The following ATP8A2 variants were observed in gnomAD, a reference collection of about 807,000 sequenced individuals.
ATP8A2 encodes ATPase phospholipid transporting 8A2, also known as phospholipid-transporting ATPase IB.
In ATP8A2, 100 loss-of-function variants were observed where a neutral mutation model predicts 165.6. The ratio of observed to expected loss-of-function variants is 0.60; its 90% CI spans 0.51 to 0.71. The LOEUF is 0.71. ATP8A2 is among the 30% of genes least tolerant of loss of function. The pLI is 0.00. For missense variants in ATP8A2, 1,227 were observed against 1,479.5 expected, an observed-to-expected ratio of 0.83 and a Z score of 2.80; for synonymous variants, 543 against 548.8, an observed-to-expected ratio of 0.99 and a Z score of 0.15.
At chr13:25,491,601 T>C (rs1279975938) in intron 2 of ATP8A2, among the ~76,000 whole-genome samples, 1 of 152,228 alleles carries the variant, frequency 6.6e-6, no homozygotes, top group African/African-American at 2.4e-5. Flanking sequence ...GAACTTGAGT[T>C]ACTTCGATTC....
At chr13:25,571,497 T>C (rs1215511304) in intron 17 of ATP8A2, 113 bp from the exon 18 acceptor site, 2 of 729,188 alleles carry the variant, frequency 2.7e-6, no homozygotes, top group Non-Finnish European at 4.7e-6. Context: ...ATTATGCAGA[T>C]AACACCAGGC....
chr13:25,680,065 T>C (rs1307321162), intron 24 of ATP8A2, among the ~76,000 whole-genome samples: 2 of 152,186 alleles, frequency 1.3e-5, no homozygotes, highest in Admixed American at 1.3e-4. Flanking sequence ...AGAAATTTCA[T>C]GCTCTACGTT....
chr13:25,880,043 GC>G (rs2138847891), intron 33 of ATP8A2, among the ~76,000 whole-genome samples: 2 of 152,310 alleles, frequency 1.3e-5, no homozygotes, highest in South Asian at 4.1e-4. Context: ...AGAAGAGGTG[GC>G]CTCCTAGACA....
intron 16 of ATP8A2, 34 bp from the exon 17 acceptor site, chr13:25,570,733 T>C (rs756938326): frequency 6.4e-7 from 1 of 1,551,498 alleles, no homozygotes; most frequent in Non-Finnish European, 8.9e-7. Context: ...TTGAAGGTGT[T>C]GTATCTGACA....
chr13:25,684,693 G>A (rs975907641), intron 24 of ATP8A2, among the ~76,000 whole-genome samples: 2 of 152,136 alleles, frequency 1.3e-5, no homozygotes, highest in African/African-American at 4.8e-5. Context: ...TAAAGCAAAG[G>A]TCAAATCTGT....
intron 24 of ATP8A2, among the ~76,000 whole-genome samples, chr13:25,608,889 C>G (rs2040584507): frequency 6.6e-6 from 1 of 152,110 alleles, no homozygotes; most frequent in Non-Finnish European, 1.5e-5. Context: ...GGTCATCATA[C>G]AAATCTTATA....
intron 1 of ATP8A2, among the ~76,000 whole-genome samples, chr13:25,403,232 A>AC (rs2033695432): frequency 6.6e-6 from 1 of 152,166 alleles, no homozygotes; most frequent in South Asian, 2.1e-4. Context: ...AGCAGCCCTC[A>AC]CCAGACACTG....
At position 25,553,918 on chromosome 13, in the gene ATP8A2, TG is replaced by T; in HGVS notation, c.1185+1del. On this transcript the variant is annotated frameshift_variant and splice_region_variant, in exon 12 of 37. Coordinates refer to ENST00000381655, the MANE Select transcript of ATP8A2 (RefSeq NM_016529.6). LOFTEE classifies it high-confidence loss of function. The stretch of plus-strand genomic sequence containing the variant: ...GTATACTCAAGCCCTTTTCATAAAC[TG>T]GGTGAGTATTAAAGCAGAGTTGAAT... Reference protein sequence around the residue: ...VKYTQALFINWDTDMYYIGND... With the variant: ...VKYTQALFINXDTDMYYIGND... 1 of 1,612,878 alleles carries T rather than the reference TG, an allele frequency of 6.2e-7. No homozygotes were observed. The highest frequency in any genetic ancestry group is 8.5e-7 in the Non-Finnish European group (1 of 1,179,508).
chr13:25,881,980 G>A (rs1278232064), intron 33 of ATP8A2, among the ~76,000 whole-genome samples: 2 of 152,208 alleles, frequency 1.3e-5, no homozygotes, highest in African/African-American at 4.8e-5. Flanking sequence ...TGAGGGGAAA[G>A]CAGGCTGACC....
intron 28 of ATP8A2, among the ~76,000 whole-genome samples, chr13:25,830,335 G>C (rs978684221): frequency 3.3e-5 from 5 of 152,114 alleles, no homozygotes; most frequent in African/African-American, 1.2e-4. Context: ...CATGACCCTA[G>C]GGTTGAGATT....
intron 24 of ATP8A2, among the ~76,000 whole-genome samples, chr13:25,616,440 T>C (rs920397146): frequency 2.0e-5 from 3 of 149,390 alleles, no homozygotes; most frequent in Admixed American, 6.7e-5. Context: ...CAAGTGATTC[T>C]CCTGCCTCAG....
At chr13:25,686,858 C>G (rs2042612244) in intron 24 of ATP8A2, among the ~76,000 whole-genome samples, 1 of 152,104 alleles carries the variant, frequency 6.6e-6, no homozygotes, top group Non-Finnish European at 1.5e-5. Flanking sequence ...TCATCCACGG[C>G]TCTTAACAGC....
At chr13:25,484,289 G>A (rs1360003862) in intron 2 of ATP8A2, among the ~76,000 whole-genome samples, 4 of 152,136 alleles carry the variant, frequency 2.6e-5, no homozygotes, top group Non-Finnish European at 5.9e-5. Context: ...TGGTCCACAT[G>A]TATGACTAGA....
intron 36 of ATP8A2, among the ~76,000 whole-genome samples, chr13:26,013,862 C>CT (rs1956905064): frequency 6.6e-6 from 1 of 152,194 alleles, no homozygotes; most frequent in Non-Finnish European, 1.5e-5. Flanking sequence ...AATCTACCCC[C>CT]TGTCCTCACT....
chr13:25,480,459 G>A (rs1479078712), intron 2 of ATP8A2, among the ~76,000 whole-genome samples: 2 of 148,780 alleles, frequency 1.3e-5, no homozygotes, highest in East Asian at 4.1e-4. Context: ...GGGCAGAGAC[G>A]CTCCTCACCT....
chr13:26,014,100 T>A (rs1956909998), intron 36 of ATP8A2, among the ~76,000 whole-genome samples: 1 of 152,002 alleles, frequency 6.6e-6, no homozygotes. Flanking sequence ...GGGACAGGAG[T>A]GCTAACTGTA....
chr13:25,480,641 G>T lies in ATP8A2; in HGVS notation c.221+11520G>T, dbSNP rs370228352. ...CTCCTCACTTCCTAGATGGGATGGC[G>T]GCCGGGCAGAGATGCTCCTCACTTT... is the stretch of plus-strand genomic sequence containing the variant. On this transcript the variant is annotated intron_variant, in intron 2 of 36. Transcript: ENST00000381655. Among the ~76,000 whole-genome samples, 17 of 151,476 alleles carry T rather than the reference G, an allele frequency of 1.1e-4. No individual in the cohort carries two copies. In the East Asian group the frequency reaches 2.9e-3, roughly 26 times the overall value.
intron 1 of ATP8A2, among the ~76,000 whole-genome samples, chr13:25,458,705 G>T (rs471864): frequency 0.28 from 42,483 of 152,160 alleles, 6,198 homozygotes; most frequent in East Asian, 0.39. Context: ...GTTTCTCTCC[G>T]TGGGGAAAGT....
intron 1 of ATP8A2, among the ~76,000 whole-genome samples, chr13:25,407,525 A>C (rs957074371): frequency 6.6e-6 from 1 of 152,232 alleles, no homozygotes; most frequent in African/African-American, 2.4e-5. Context: ...GTCAGTAAAG[A>C]GTAAGAAAAG....
Sources: gnomAD v4.1 joint callset for allele counts (sites outside exome capture counted in the v4.1 genomes callset) on GRCh38, gnomAD v4.1.1 for gene constraint, MANE v1.5 for transcripts, NCBI Gene and HGNC (gene_info 2026-07-23, HGNC 2026-07-21) for gene names.